Variants in PTPN3 observed in about 807,000 individuals in gnomAD.
The protein encoded by PTPN3 is protein tyrosine phosphatase non-receptor type 3, also known as tyrosine-protein phosphatase non-receptor type 3.
In PTPN3, 96 loss-of-function variants were observed where a neutral mutation model predicts 132.7. That is an observed-to-expected ratio of 0.72 (90% CI 0.61 to 0.86). The LOEUF (loss-of-function observed/expected upper bound fraction) is 0.86, where lower values mean the gene tolerates loss of function less well. PTPN3 is among the 40% of genes least tolerant of loss of function. The probability of loss-of-function intolerance (pLI) is 0.00; values close to 1 mark genes in which losing one functional copy is unlikely to be tolerated. For synonymous variants in PTPN3, 398 were observed against 429.0 expected, an observed-to-expected ratio of 0.93 and a Z score of 0.89; for missense variants, 1,125 against 1,159.6, an observed-to-expected ratio of 0.97 and a Z score of 0.43.
chr9:109,425,513 G>A (rs1490180286), intron 12 of PTPN3, among the ~76,000 whole-genome samples: 1 of 150,038 alleles, frequency 6.7e-6, no homozygotes, highest in Non-Finnish European at 1.5e-5. Context: ...GAGTTCGAGA[G>A]CAGCCTGCCC....
At chr9:109,492,406 C>A (rs1360294764) in intron 1 of PTPN3, among the ~76,000 whole-genome samples, 1 of 152,210 alleles carries the variant, frequency 6.6e-6, no homozygotes, top group African/African-American at 2.4e-5. Context: ...AGAACCGGGA[C>A]CTGTGGTCCT....
Position 109,389,241 on chromosome 9 carries a change from G to A in PTPN3, c.2245C>T (p.Arg749Ter), listed in dbSNP as rs761338097. 27 of 1,613,988 alleles carry A rather than the reference G, an allele frequency of 1.7e-5. No individual in the cohort carries two copies. The highest frequency in any genetic ancestry group is 5.0e-5 in the Admixed American group (3 of 59,996). Residue 749 changes from arginine to a stop codon, truncating the protein, a stop_gained, in exon 22 of 26, where the codon CGA becomes TGA. Transcript: ENST00000374541. LOFTEE classifies it high-confidence loss of function. ...LIVMLTTLTE[R>*]GRTKCHQYWP... ...GAAATCAAGCTACTTACCCGCCCTC[G>A]TTCTGTGAGAGTCGTCAACATGACA... is the stretch of plus-strand genomic sequence containing the variant.
intron 19 of PTPN3, among the ~76,000 whole-genome samples, chr9:109,393,139 T>A (rs1840269396): frequency 6.6e-6 from 1 of 152,134 alleles, no homozygotes; most frequent in African/African-American, 2.4e-5. Flanking sequence ...TCTAATGGAG[T>A]ATTCTGGGAA....
At chr9:109,394,262 A>T (rs866815122) in intron 19 of PTPN3, among the ~76,000 whole-genome samples, 3 of 152,202 alleles carry the variant, frequency 2.0e-5, no homozygotes, top group African/African-American at 7.2e-5. Context: ...ATTTTTTTTC[A>T]AACAATGAAA....
rs1231862931 is a variant in PTPN3 at position 109,399,940 on chromosome 9, C to CTTT, written c.1953+4505_1953+4507dup. Among the ~76,000 whole-genome samples the CTTT allele has an allele frequency of 6.6e-3, 897 of 136,274 alleles. 10 individuals carry two copies. Among genetic ancestry groups the CTTT allele is most frequent in the African/African-American group, 0.023 (847 of 36,830 alleles). 89.4% of individuals were successfully genotyped at this position (136,274 alleles called of 152,430 possible). A position where few individuals can be genotyped will look rare whatever the true frequency, so the allele number is the denominator to read the frequency against. ...TCCAAACCCAGCACAACACAGTTAC[C>CTTT]TTTTTTTTTTTTTTTTTTTAGCTGT... On this transcript the variant is annotated intron_variant, in intron 19 of 25. Transcript: ENST00000374541.
intron 24 of PTPN3, among the ~76,000 whole-genome samples, 168 bp from the exon 25 acceptor site, chr9:109,381,955 C>CA (rs1038728382): frequency 4.6e-5 from 7 of 152,210 alleles, no homozygotes; most frequent in Non-Finnish European, 7.3e-5. Flanking sequence ...AGCCTGTCCT[C>CA]ACACATCTGA....
intron 6 of PTPN3, among the ~76,000 whole-genome samples, chr9:109,448,279 G>A (rs1410194368): frequency 6.6e-6 from 1 of 152,152 alleles, no homozygotes; most frequent in Non-Finnish European, 1.5e-5. Context: ...CTTCCCACCA[G>A]TTTACCTGCT....
chr9:109,533,066 C>T, the PTPN3 span: 2 of 255,776 alleles, frequency 7.8e-6, no homozygotes, highest in Non-Finnish European at 1.4e-5. Flanking sequence ...GGCAATTCTC[C>T]TGCCTCAGCC....
At chr9:109,461,246 A>G (rs578245618) in intron 2 of PTPN3, among the ~76,000 whole-genome samples, 1 of 152,216 alleles carries the variant, frequency 6.6e-6, no homozygotes. Flanking sequence ...TGCACGGCAC[A>G]TTGAGACAAC....
At chr9:109,508,022 C>T in the PTPN3 span, among the ~76,000 whole-genome samples, 10 of 152,014 alleles carry the variant, frequency 6.6e-5, no homozygotes, top group South Asian at 1.2e-3. Flanking sequence ...ATCAACCTCC[C>T]GAAACAACAC....
intron 2 of PTPN3, among the ~76,000 whole-genome samples, chr9:109,459,391 G>T (rs937216087): frequency 3.9e-5 from 6 of 152,210 alleles, no homozygotes; most frequent in Non-Finnish European, 7.3e-5. Context: ...GACACAAAGT[G>T]AGGGATACTC....
intron 7 of PTPN3, among the ~76,000 whole-genome samples, chr9:109,440,869 G>A (rs551207865): frequency 1.3e-5 from 2 of 152,238 alleles, no homozygotes; most frequent in South Asian, 4.2e-4. Flanking sequence ...AATCCTAAGC[G>A]GCCACTCTGT....
chr9:109,376,753 T>C lies in PTPN3; in HGVS notation c.*2803A>G, dbSNP rs1838586579. ...AAAGGCTTAAGTATAATTGCTTAAG[T>C]GTATAAGGTGGTGAAACAGGAATCT... On this transcript the variant is annotated 3_prime_UTR_variant, in exon 26 of 26. Transcript: ENST00000374541. 6.6e-6 allele frequency: 1 copy of C among 152,206 alleles called. No individual in the cohort carries two copies. The highest frequency in any genetic ancestry group is 2.1e-4 in the South Asian group (1 of 4,830). The allele number at this position is 152,206 out of a possible 1,614,324, so 9.4% of individuals were successfully genotyped here. A position where few individuals can be genotyped will look rare whatever the true frequency, so the allele number is the denominator to read the frequency against.
the PTPN3 span, among the ~76,000 whole-genome samples, chr9:109,521,201 C>T: frequency 1.3e-5 from 2 of 152,096 alleles, no homozygotes; most frequent in African/African-American, 4.8e-5. Flanking sequence ...CTCTGTCGCC[C>T]AGGCTGGAGT....
At chr9:109,393,371 TG>T (rs1415470510) in intron 19 of PTPN3, among the ~76,000 whole-genome samples, 7 of 151,130 alleles carry the variant, frequency 4.6e-5, no homozygotes, top group African/African-American at 1.7e-4. Flanking sequence ...ATATTTTTAA[TG>T]GTTTTTTTTG....
At chr9:109,398,843 C>A (rs1258089588) in intron 19 of PTPN3, among the ~76,000 whole-genome samples, 1 of 152,200 alleles carries the variant, frequency 6.6e-6, no homozygotes, top group African/African-American at 2.4e-5. Context: ...CTTAAATGGA[C>A]ACTTCAACTC....
intron 11 of PTPN3, among the ~76,000 whole-genome samples, chr9:109,427,464 G>C (rs532646673): frequency 6.6e-6 from 1 of 152,266 alleles, no homozygotes; most frequent in South Asian, 2.1e-4. Flanking sequence ...TTTTAACTCT[G>C]GGAACATCTC....
At chr9:109,504,126 G>T in the PTPN3 span, among the ~76,000 whole-genome samples, 6 of 152,176 alleles carry the variant, frequency 3.9e-5, no homozygotes, top group African/African-American at 1.2e-4. Context: ...AGATGAGAGT[G>T]TTATTCTTGC....
At chr9:109,389,205 C>T (rs771461368) in intron 22 of PTPN3, 28 bp downstream of exon 22, 20 of 1,612,354 alleles carry the variant, frequency 1.2e-5, no homozygotes, top group South Asian at 7.7e-5. Flanking sequence ...ACACTGCACA[C>T]ATCTGAATTA....
Sources: allele counts gnomAD v4.1 joint callset (sites outside exome capture counted in the v4.1 genomes callset), GRCh38; gene constraint gnomAD v4.1.1; transcripts MANE v1.5; gene names NCBI Gene and HGNC (gene_info 2026-07-23, HGNC 2026-07-21).